ATRNL1: variants seen among roughly 807,000 people sequenced by gnomAD.
The protein encoded by ATRNL1 is attractin like 1.
ATRNL1 carries 95 observed loss-of-function variants against 182.7 expected under a neutral mutation model. The observed-to-expected ratio is 0.52, with a 90% confidence interval of 0.44 to 0.62. ATRNL1 has a LOEUF of 0.62. Among genes scored for constraint, ATRNL1 ranks in the 20% least tolerant of loss-of-function variants. The probability of loss-of-function intolerance (pLI) is 0.00; values close to 1 mark genes in which losing one functional copy is unlikely to be tolerated. For synonymous variants in ATRNL1, 576 were observed against 568.3 expected (o/e 1.01, Z -0.19); for missense variants, 1,471 against 1,679.5 (o/e 0.88, Z 2.17).
At chr10:115,529,403 G>A (rs1327506798) in intron 25 of ATRNL1, among the ~76,000 whole-genome samples, 3 of 151,432 alleles carry the variant, frequency 2.0e-5, no homozygotes, top group Admixed American at 6.6e-5. Context: ...GGATATTTTG[G>A]TTTTGTTTTA....
At chr10:115,463,723 T>G (rs1449878943) in intron 22 of ATRNL1, among the ~76,000 whole-genome samples, 1 of 152,092 alleles carries the variant, frequency 6.6e-6, no homozygotes, top group Non-Finnish European at 1.5e-5. Context: ...TTAATTGGCT[T>G]ACTCTAGGTA....
intron 21 of ATRNL1, among the ~76,000 whole-genome samples, chr10:115,459,934 T>C (rs1022311628): frequency 2.6e-5 from 4 of 152,200 alleles, no homozygotes; most frequent in African/African-American, 9.6e-5. Context: ...GAAAAGAACC[T>C]AAGTGATTAT....
intron 27 of ATRNL1, among the ~76,000 whole-genome samples, chr10:115,728,134 A>G (rs1327459739): frequency 6.7e-6 from 1 of 148,456 alleles, no homozygotes; most frequent in Non-Finnish European, 1.5e-5. Context: ...AAAAGAAAAA[A>G]AAAAAAAAAA....
intron 24 of ATRNL1, among the ~76,000 whole-genome samples, chr10:115,516,316 A>G (rs1850634161): frequency 6.6e-6 from 1 of 151,770 alleles, no homozygotes; most frequent in African/African-American, 2.4e-5. Flanking sequence ...TTCACCTGTC[A>G]TATCTAATCT....
chr10:115,505,347 T>G (rs1850058267), intron 24 of ATRNL1, among the ~76,000 whole-genome samples: 1 of 152,086 alleles, frequency 6.6e-6, no homozygotes, highest in Non-Finnish European at 1.5e-5. Context: ...TTTCTAAGTG[T>G]TTGAACTGCA....
intron 26 of ATRNL1, among the ~76,000 whole-genome samples, chr10:115,594,686 A>G (rs1856121962): frequency 1.3e-5 from 2 of 152,038 alleles, no homozygotes; most frequent in African/African-American, 2.4e-5. Flanking sequence ...TGTGTTTTTA[A>G]TGGAGATGAG....
intron 9 of ATRNL1, among the ~76,000 whole-genome samples, chr10:115,232,091 A>G (rs1301138000): frequency 6.6e-6 from 1 of 152,150 alleles, no homozygotes; most frequent in Admixed American, 6.6e-5. Context: ...ATTCTTATTT[A>G]GTCTTCTATT....
At chr10:115,292,125 T>C (rs1852944722) in intron 15 of ATRNL1, among the ~76,000 whole-genome samples, 1 of 151,968 alleles carries the variant, frequency 6.6e-6, no homozygotes, top group Admixed American at 6.6e-5. Context: ...TTCCTGTAAG[T>C]TTTCAATTTC....
At chr10:115,738,126 ATTTTTTTTTTT>A (rs10546896) in intron 27 of ATRNL1, among the ~76,000 whole-genome samples, 826 of 47,120 alleles carry the variant, frequency 0.018, 26 homozygotes, top group African/African-American at 0.052. Context: ...GAAGATAATG[ATTTTTTTTTTT>A]TTTTTTTTTT....
intron 8 of ATRNL1, among the ~76,000 whole-genome samples, chr10:115,199,561 T>G (rs1848481559): frequency 6.8e-6 from 1 of 148,128 alleles, no homozygotes; most frequent in African/African-American, 2.5e-5. Context: ...AGATTTCATC[T>G]AAAAAAAAAA....
At chr10:115,798,495 A>G (rs1399481141) in intron 27 of ATRNL1, among the ~76,000 whole-genome samples, 2 of 152,192 alleles carry the variant, frequency 1.3e-5, no homozygotes, top group African/African-American at 4.8e-5. Context: ...TTCATGCACC[A>G]TACCAAAATG....
intron 28 of ATRNL1, among the ~76,000 whole-genome samples, chr10:115,873,020 CTTT>C (rs1951619926): frequency 6.6e-6 from 1 of 152,190 alleles, no homozygotes; most frequent in Non-Finnish European, 1.5e-5. Flanking sequence ...AGTTTCCTTT[CTTT>C]GTTTTCCTCA....
chr10:115,744,486 C>T (rs1004491860), intron 27 of ATRNL1, among the ~76,000 whole-genome samples: 1 of 152,242 alleles, frequency 6.6e-6, no homozygotes, highest in Admixed American at 6.5e-5. Flanking sequence ...TTACTACACA[C>T]TATTTCTCAT....
intron 24 of ATRNL1, among the ~76,000 whole-genome samples, chr10:115,490,277 G>T (rs554971518): frequency 2.6e-5 from 4 of 152,176 alleles, no homozygotes; most frequent in Non-Finnish European, 5.9e-5. Flanking sequence ...GGCCTGCATT[G>T]CTAGGTCGGG....
intron 24 of ATRNL1, among the ~76,000 whole-genome samples, chr10:115,497,310 C>G (rs868963115): frequency 3.3e-5 from 5 of 152,242 alleles, no homozygotes; most frequent in African/African-American, 1.2e-4. Flanking sequence ...CATCTTTCTC[C>G]TGAATCTCCT....
chr10:115,644,269 G>T lies in ATRNL1; in HGVS notation c.3796-82979G>T, dbSNP rs191905826. On this transcript the variant is annotated intron_variant, in intron 26 of 28. Transcript: ENST00000355044. ...GAACCAATCACATTGAGCTTGTTTT[G>T]TGTTACAGAAAAACATTTTTTTACT... Among the ~76,000 whole-genome samples the T allele has an allele frequency of 1.2e-4, 19 of 152,214 alleles. No individual in the cohort carries two copies. The East Asian group carries it at 3.7e-3, about 29-fold the overall frequency.
At chr10:115,848,254 C>T (rs1000018477) in intron 28 of ATRNL1, among the ~76,000 whole-genome samples, 62 of 152,076 alleles carry the variant, frequency 4.1e-4, no homozygotes, top group Non-Finnish European at 1.5e-4. Flanking sequence ...TGTATGTTCC[C>T]ATTAATTGCT....
intron 5 of ATRNL1, among the ~76,000 whole-genome samples, chr10:115,144,350 G>T (rs1845883119): frequency 6.6e-6 from 1 of 151,866 alleles, no homozygotes; most frequent in Admixed American, 6.6e-5. Context: ...GGGTTTCATG[G>T]GGTCTCACCG....
At chr10:115,725,647 G>A (rs938260715) in intron 26 of ATRNL1, among the ~76,000 whole-genome samples, 19 of 152,238 alleles carry the variant, frequency 1.2e-4, no homozygotes, top group African/African-American at 4.6e-4. Flanking sequence ...TATAGGAAGG[G>A]TAGATTGTAT....
Sources: allele counts gnomAD v4.1 joint callset (sites outside exome capture counted in the v4.1 genomes callset), GRCh38; gene constraint gnomAD v4.1.1; transcripts MANE v1.5; gene names NCBI Gene and HGNC (gene_info 2026-07-23, HGNC 2026-07-21).